NIPBL: variants seen among roughly 807,000 people sequenced by gnomAD.
The protein encoded by NIPBL is NIPBL cohesin loading factor.
Under a neutral mutation model 321.8 loss-of-function variants are expected in NIPBL, and 19 were observed. The observed-to-expected ratio is 0.06, with a 90% CI of 0.04 to 0.09. The LOEUF (loss-of-function observed/expected upper bound fraction) is 0.09. NIPBL is among the 10% of genes least tolerant of loss of function. The pLI, the probability that NIPBL is intolerant of heterozygous loss-of-function variation, is 1.00. For missense variants in NIPBL, 2,210 were observed against 3,327.0 expected (o/e 0.66, Z 8.26); for synonymous variants, 1,106 against 1,114.1 (o/e 0.99, Z 0.14).
intron 3 of NIPBL, among the ~76,000 whole-genome samples, 193 bp downstream of exon 3, chr5:36,955,830 A>C (rs1333230210): frequency 6.6e-6 from 1 of 152,156 alleles, no homozygotes; most frequent in African/African-American, 2.4e-5. Context: ...ATTTATTTTT[A>C]GATAATAATT....
Position 37,051,838 on chromosome 5 carries a change from T to C in NIPBL, c.7014T>C (p.Ala2338=). The stretch of plus-strand genomic sequence containing the variant: ...CAGAACCTGCTATGCGGAACAAGGC[T>C]GATCAGCAACTTGTGGAAATAGACA... The part of the protein sequence containing the change: ...TDPEPAMRNK[A]DQQLVEIDKK... The change falls in exon 41 of 47, where the codon GCT becomes GCC. Residue 2338 remains alanine, a synonymous_variant. Coordinates refer to ENST00000282516, the MANE Select transcript of NIPBL (RefSeq NM_133433.4). 1 of 1,614,136 alleles carries C rather than the reference T, an allele frequency of 6.2e-7. No individual in the cohort carries two copies. The highest frequency in any genetic ancestry group is 8.5e-7 in the Non-Finnish European group (1 of 1,179,978).
At chr5:36,878,723 G>T (rs1359909630) in intron 1 of NIPBL, among the ~76,000 whole-genome samples, 5 of 152,186 alleles carry the variant, frequency 3.3e-5, no homozygotes, top group African/African-American at 1.2e-4. Context: ...ACGGATAAAT[G>T]TTTAAAAGAA....
chr5:36,982,306 T>C (rs1744237982), intron 9 of NIPBL: 1 of 749,826 alleles, frequency 1.3e-6, no homozygotes, highest in Non-Finnish European at 1.6e-6. Flanking sequence ...TAATGAAGAC[T>C]CATAACAAAA....
At chr5:37,041,076 A>G (rs765790588) in intron 34 of NIPBL, among the ~76,000 whole-genome samples, 1 of 151,364 alleles carries the variant, frequency 6.6e-6, no homozygotes. Flanking sequence ...ACCATCTTAT[A>G]GTATATTCAT....
chr5:37,000,549 C>T lies in NIPBL; in HGVS notation c.3481C>T (p.Pro1161Ser), dbSNP rs557147929. The T allele has an allele frequency of 3.5e-5, 56 of 1,613,180 alleles. No homozygotes were observed. In the East Asian group the frequency reaches 1.1e-3, roughly 33 times the overall value. ...AGATTCTGACATGGAAGATTATTCT[C>T]CTCCTCCCAGCCTTAGTGAGGGTAA... ...PSDSDMEDYS[P>S]PPSLSEVARK... is the part of the protein sequence containing the mutation. Residue 1161 changes from proline (P) to serine (S), a missense_variant, in exon 12 of 47, where the codon CCT (proline) becomes TCT (serine). Around this residue, in one of 14 missense-constraint regions of NIPBL, gnomAD observed 381 missense variants for 642.3 expected, o/e 0.59. Transcript: ENST00000282516.
At chr5:36,904,718 T>A (rs1747495808) in intron 1 of NIPBL, among the ~76,000 whole-genome samples, 1 of 152,156 alleles carries the variant, frequency 6.6e-6, no homozygotes, top group African/African-American at 2.4e-5. Flanking sequence ...CACTTGGCTC[T>A]TGGTGAGCCA....
At chr5:37,055,983 T>TA (rs994918372) in intron 42 of NIPBL, among the ~76,000 whole-genome samples, 6 of 151,200 alleles carry the variant, frequency 4.0e-5, no homozygotes, top group South Asian at 2.1e-4. Context: ...ATGTCTCCTT[T>TA]AAAAAAAAAT....
chr5:36,923,036 C>T (rs1320580870), intron 1 of NIPBL, among the ~76,000 whole-genome samples: 2 of 152,118 alleles, frequency 1.3e-5, no homozygotes, highest in African/African-American at 2.4e-5. Flanking sequence ...CACCTGTAAT[C>T]CCAGAACTTT....
rs1405990333 is a variant in NIPBL, at chr5:37,061,392, A to G, written c.7860+374A>G. On this transcript the variant is annotated intron_variant, in intron 45 of 46. Transcript: ENST00000282516. Reference sequence around the variant, plus strand: ...CAAGGGCCTGATAAAAAAATGGCGTAGTGGGCTGCGTGAGGTGGCTCACAC... The same window carrying G: ...CAAGGGCCTGATAAAAAAATGGCGTGGTGGGCTGCGTGAGGTGGCTCACAC... 2.0e-5 allele frequency among the ~76,000 whole-genome samples: 3 copies of G among 152,206 alleles called. No homozygotes were observed. The South Asian group carries it at 6.2e-4, about 31-fold the overall frequency.
At chr5:36,937,909 T>C (rs1738622788) in intron 1 of NIPBL, among the ~76,000 whole-genome samples, 1 of 152,288 alleles carries the variant, frequency 6.6e-6, no homozygotes, top group Admixed American at 6.5e-5. Flanking sequence ...TTTAGTCATA[T>C]GTATGCATCA....
intron 1 of NIPBL, among the ~76,000 whole-genome samples, chr5:36,930,401 C>A (rs1250913524): frequency 1.3e-5 from 2 of 151,906 alleles, no homozygotes; most frequent in African/African-American, 4.8e-5. Flanking sequence ...TGTTGATTTT[C>A]TATCTTGTGA....
Position 37,005,763 on chromosome 5 carries a change from A to G in NIPBL, c.3856-594A>G, listed in dbSNP as rs551541446. On this transcript the variant is annotated intron_variant, in intron 16 of 46. Transcript: ENST00000282516. The stretch of plus-strand genomic sequence containing the variant: ...ACAGTGAGATTACTCCTAATTTGCA[A>G]TGTCAAGTTGCTGATGTGTAAATTA... Among the ~76,000 whole-genome samples, 24 of 152,248 alleles carry G rather than the reference A, an allele frequency of 1.6e-4. No homozygotes were observed. In the East Asian group the frequency reaches 4.1e-3, roughly 26 times the overall value.
chr5:37,037,565 C>A (rs886113415), intron 33 of NIPBL, among the ~76,000 whole-genome samples: 2 of 150,478 alleles, frequency 1.3e-5, no homozygotes, highest in Non-Finnish European at 3.0e-5. Context: ...CCAATAGCCT[C>A]TAACAGCCGT....
At chr5:36,944,590 C>G (rs1402244439) in intron 1 of NIPBL, among the ~76,000 whole-genome samples, 1 of 151,976 alleles carries the variant, frequency 6.6e-6, no homozygotes, top group Non-Finnish European at 1.5e-5. Flanking sequence ...AAGTCTTGTT[C>G]ACAAATTTTT....
At chr5:36,986,323 T>G in intron 10 of NIPBL, 22 bp downstream of exon 10, 1 of 1,402,028 alleles carries the variant, frequency 7.1e-7, no homozygotes, top group Non-Finnish European at 9.4e-7. Flanking sequence ...TCTACTGATG[T>G]CATTTATAAT....
chr5:36,971,805 C>A, intron 7 of NIPBL, 140 bp from the exon 8 acceptor site: 3 of 1,459,160 alleles, frequency 2.1e-6, no homozygotes, highest in South Asian at 1.5e-5. Flanking sequence ...AAGAAGAAAA[C>A]AGGAAAGTGC....
chr5:36,908,958 T>G (rs1747848059), intron 1 of NIPBL, among the ~76,000 whole-genome samples: 1 of 152,234 alleles, frequency 6.6e-6, no homozygotes. Context: ...ATGTATATCC[T>G]TGTCTGAAAT....
chr5:37,005,786 TTAAAA>T (rs1306803784), intron 16 of NIPBL, among the ~76,000 whole-genome samples: 3 of 152,150 alleles, frequency 2.0e-5, no homozygotes, highest in Non-Finnish European at 4.4e-5. Flanking sequence ...GATGTGTAAA[TTAAAA>T]TAAAGTCTTC....
intron 20 of NIPBL, 23 bp from the exon 21 acceptor site, chr5:37,010,064 C>G (rs190647010): frequency 3.2e-6 from 5 of 1,572,978 alleles, no homozygotes; most frequent in Non-Finnish European, 4.4e-6. Flanking sequence ...ATACTCCATA[C>G]AAATTTTTTT....
Sources: allele counts gnomAD v4.1 joint callset (sites outside exome capture counted in the v4.1 genomes callset), GRCh38; gene constraint gnomAD v4.1.1; regional missense constraint gnomAD v4.1.1; transcripts MANE v1.5; gene names NCBI Gene and HGNC (gene_info 2026-07-23, HGNC 2026-07-21).